The following COL25A1 variants were observed in gnomAD, a reference collection of about 807,000 sequenced individuals.
The protein encoded by COL25A1 is collagen alpha-1(XXV) chain.
A neutral mutation model predicts 128.4 loss-of-function variants in COL25A1; 103 were observed. The observed-to-expected ratio is 0.80, with a 90% CI of 0.68 to 0.94. The LOEUF is 0.94. Ranked by LOEUF, COL25A1 falls within the 40% of genes least tolerant of loss-of-function variation. COL25A1 has a pLI of 0.00. For missense variants in COL25A1, 745 were observed against 840.0 expected (o/e 0.89, Z 1.40); for synonymous variants, 279 against 277.2 (o/e 1.01, Z -0.06).
intron 13 of COL25A1, among the ~76,000 whole-genome samples, chr4:108,902,163 C>A (rs1352499850): frequency 6.6e-6 from 1 of 151,962 alleles, no homozygotes; most frequent in African/African-American, 2.4e-5. Flanking sequence ...TTCTAAGTCA[C>A]CTGGAGGGCA....
intron 6 of COL25A1, among the ~76,000 whole-genome samples, chr4:108,992,064 T>C: frequency 6.6e-6 from 1 of 152,160 alleles, no homozygotes; most frequent in East Asian, 1.9e-4. Flanking sequence ...TCTGAAAAAG[T>C]ACAAATGGCA....
At chr4:108,863,592 T>C (rs1737530821) in intron 20 of COL25A1, among the ~76,000 whole-genome samples, 1 of 152,208 alleles carries the variant, frequency 6.6e-6, no homozygotes, top group Non-Finnish European at 1.5e-5. Context: ...AGGTGTCAAC[T>C]TGACTGGATT....
rs569874600 is a variant in COL25A1 at position 108,915,074 on chromosome 4, T to C, written c.780+3098A>G. ...CTACTTTTCACAAAGGGATGTTCTG[T>C]AGCCCTTCATAGGTTGTGATGCCAG... is the stretch of plus-strand genomic sequence containing the variant. On this transcript the variant is annotated intron_variant, in intron 13 of 37. Coordinates refer to ENST00000399132, the MANE Select transcript of COL25A1 (RefSeq NM_198721.4). 3.3e-5 allele frequency among the ~76,000 whole-genome samples: 5 copies of C among 152,330 alleles called. No homozygotes were observed. In the South Asian group the frequency reaches 1.0e-3, roughly 32 times the overall value.
chr4:109,215,188 T>A (rs1777890803), intron 3 of COL25A1, among the ~76,000 whole-genome samples: 1 of 152,136 alleles, frequency 6.6e-6, no homozygotes, highest in African/African-American at 2.4e-5. Context: ...GTTAGGTCAT[T>A]TTTTAGGTGA....
intron 5 of COL25A1, among the ~76,000 whole-genome samples, chr4:109,014,376 T>C (rs1282189428): frequency 6.6e-6 from 1 of 152,154 alleles, no homozygotes; most frequent in Non-Finnish European, 1.5e-5. Flanking sequence ...ATATGTGTTA[T>C]GTGAAAGTTA....
chr4:109,012,423 G>T (rs2126047949), intron 5 of COL25A1, among the ~76,000 whole-genome samples: 1 of 152,308 alleles, frequency 6.6e-6, no homozygotes, highest in Middle Eastern at 3.4e-3. Context: ...GCCCCTGTCT[G>T]GGCTGGCCAA....
intron 3 of COL25A1, among the ~76,000 whole-genome samples, chr4:109,260,990 T>C (rs936965456): frequency 6.6e-6 from 1 of 152,198 alleles, no homozygotes; most frequent in Admixed American, 6.5e-5. Context: ...ATTATTGCTA[T>C]TGTTATTACC....
chr4:108,870,586 A>C (rs1738591111), intron 19 of COL25A1, among the ~76,000 whole-genome samples: 1 of 152,196 alleles, frequency 6.6e-6, no homozygotes, highest in Non-Finnish European at 1.5e-5. Context: ...TTTTGGGTGG[A>C]TCTCTTAATG....
intron 3 of COL25A1, among the ~76,000 whole-genome samples, chr4:109,171,703 A>C (rs1773604482): frequency 6.6e-6 from 1 of 152,222 alleles, no homozygotes; most frequent in South Asian, 2.1e-4. Context: ...CTACTTTGAC[A>C]TAACACCTGA....
intron 5 of COL25A1, among the ~76,000 whole-genome samples, chr4:109,044,850 T>G (rs1760276346): frequency 6.6e-6 from 1 of 152,206 alleles, no homozygotes; most frequent in Non-Finnish European, 1.5e-5. Flanking sequence ...AATACATTTC[T>G]CTAAAAATTA....
chr4:108,978,432 T>A (rs531527509), intron 6 of COL25A1, among the ~76,000 whole-genome samples: 1 of 152,204 alleles, frequency 6.6e-6, no homozygotes, highest in Non-Finnish European at 1.5e-5. Flanking sequence ...ACAGATAGTA[T>A]AATATTTCCA....
intron 16 of COL25A1, among the ~76,000 whole-genome samples, chr4:108,895,240 GT>G (rs780522111): frequency 6.6e-6 from 1 of 152,068 alleles, no homozygotes; most frequent in Non-Finnish European, 1.5e-5. Context: ...TTGCAGCTAT[GT>G]TTTTATGACT....
intron 3 of COL25A1, among the ~76,000 whole-genome samples, chr4:109,277,411 G>C (rs1202496928): frequency 6.6e-6 from 1 of 152,176 alleles, no homozygotes; most frequent in African/African-American, 2.4e-5. Context: ...TTGAAAGACA[G>C]AAAGCAAGAG....
intron 6 of COL25A1, among the ~76,000 whole-genome samples, chr4:108,984,808 G>A (rs1375827208): frequency 1.3e-5 from 2 of 152,266 alleles, no homozygotes; most frequent in African/African-American, 4.8e-5. Flanking sequence ...CCATAGTGCA[G>A]CGGCGGGCTG....
intron 3 of COL25A1, among the ~76,000 whole-genome samples, chr4:109,079,302 G>C (rs1763637438): frequency 6.6e-6 from 1 of 152,148 alleles, no homozygotes; most frequent in Non-Finnish European, 1.5e-5. Flanking sequence ...TTCTATTGAA[G>C]AATATTCTAC....
chr4:109,236,830 C>CT (rs1779508621), intron 3 of COL25A1, among the ~76,000 whole-genome samples: 1 of 151,856 alleles, frequency 6.6e-6, no homozygotes, highest in African/African-American at 2.4e-5. Context: ...GGATATGAGT[C>CT]TTTATTATAT....
At chr4:108,971,376 G>A (rs1751896145) in intron 8 of COL25A1, among the ~76,000 whole-genome samples, 1 of 152,070 alleles carries the variant, frequency 6.6e-6, no homozygotes, top group Non-Finnish European at 1.5e-5. Context: ...GGAGGGAGGG[G>A]GGCATACTTT....
In COL25A1 at chr4:108,943,456, A is replaced by G. The variant is rs553864252; in HGVS notation, c.493-2019T>C. On this transcript the variant is annotated intron_variant, in intron 8 of 37. Transcript: ENST00000399132. ...TATCAAAATTTCTCTCTCCAATCAT[A>G]TGATGAATCTCAGATCTCTCCTGTT... Among the ~76,000 whole-genome samples the G allele has an allele frequency of 5.9e-5, 9 of 152,308 alleles. No homozygotes were observed. The East Asian group carries it at 1.7e-3, about 29-fold the overall frequency.
intron 3 of COL25A1, among the ~76,000 whole-genome samples, chr4:109,238,480 G>A (rs563817057): frequency 6.6e-6 from 1 of 152,126 alleles, no homozygotes; most frequent in East Asian, 1.9e-4. Flanking sequence ...CCAAGTGCTT[G>A]AGGGCTTACT....
Sources: allele counts gnomAD v4.1 joint callset (sites outside exome capture counted in the v4.1 genomes callset), GRCh38; gene constraint gnomAD v4.1.1; transcripts MANE v1.5; gene names NCBI Gene and HGNC (gene_info 2026-07-23, HGNC 2026-07-21).